TM4SF1: variants seen among roughly 807,000 people sequenced by gnomAD.
The protein encoded by TM4SF1 is transmembrane 4 L six family member 1.
Under a neutral mutation model 24.5 loss-of-function variants are expected in TM4SF1, and 20 were observed. The ratio of observed to expected loss-of-function variants is 0.82; its 90% CI spans 0.57 to 1.19. TM4SF1 has a LOEUF of 1.19. Ranked by LOEUF, TM4SF1 falls within the 50% of genes most tolerant of loss-of-function variation. The probability of loss-of-function intolerance (pLI) is 0.00; values close to 1 mark genes in which losing one functional copy is unlikely to be tolerated. For synonymous variants in TM4SF1, 107 were observed against 95.4 expected (o/e 1.12, Z -0.71); for missense variants, 258 against 248.1 (o/e 1.04, Z -0.27).
In TM4SF1 at chr3:149,369,991, A is replaced by G. The variant is rs1165479143; in HGVS notation, c.595-111T>C. On this transcript the variant is annotated intron_variant, in intron 4 of 4. Coordinates refer to ENST00000305366, the MANE Select transcript of TM4SF1 (RefSeq NM_014220.3). ...ACATAAACAGACTGATCTTAGCTTC[A>G]GCAAAGCTTAGGCCAACCATACTTA... 19 of 1,354,192 alleles carry G rather than the reference A, an allele frequency of 1.4e-5. No homozygotes were observed. In the African/African-American group the frequency reaches 1.8e-4, roughly 13 times the overall value. The allele number at this position is 1,354,192 out of a possible 1,614,324, so 83.9% of individuals were successfully genotyped here.
At chr3:149,375,647 A>T in intron 2 of TM4SF1, 33 bp downstream of exon 2, 1 of 1,614,148 alleles carries the variant, frequency 6.2e-7, no homozygotes, top group African/African-American at 1.3e-5. Context: ...ACATCTTAGG[A>T]GTCATTTTCA....
intron 3 of TM4SF1, among the ~76,000 whole-genome samples, chr3:149,372,878 C>G (rs984385395): frequency 6.6e-6 from 1 of 152,222 alleles, no homozygotes; most frequent in Non-Finnish European, 1.5e-5. Flanking sequence ...GATTATTGAG[C>G]AGTCAGTGTG....
chr3:149,373,344 G>C (rs1731874839), intron 3 of TM4SF1, among the ~76,000 whole-genome samples: 1 of 152,128 alleles, frequency 6.6e-6, no homozygotes, highest in African/African-American at 2.4e-5. Context: ...TTCTACTTCT[G>C]ATAGCTCTCC....
At position 149,377,391 on chromosome 3, in the gene TM4SF1, T is replaced by C. The variant is rs1731983915; in HGVS notation, c.157A>G (p.Ile53Val). The C allele has an allele frequency of 1.2e-6, 2 of 1,614,052 alleles. No homozygotes were observed. The highest frequency in any genetic ancestry group is 1.7e-6 in the Non-Finnish European group (2 of 1,179,960). The stretch of plus-strand genomic sequence containing the variant: ...CTTACCAGCAGGCCACCTCCTACGA[T>C]GCCAGAAAAGAACCACACGAAGCGG... The part of the protein sequence containing the change: ...LSRFVWFFSG[I>V]VGGGLLMLLP... The change falls in exon 1 of 5, where the codon ATC (isoleucine) becomes GTC (valine). Residue 53 changes from isoleucine to valine, a missense_variant. By Grantham distance (29) the Ile-to-Val change is conservative. Transcript: ENST00000305366.
rs367999998 is a variant in TM4SF1 at position 149,374,204 on chromosome 3, G to C, written c.413+1239C>G. On this transcript the variant is annotated intron_variant, in intron 3 of 4. Transcript: ENST00000305366. ...AATTGCCATTGATTTTATTTTACCA[G>C]TGGAGTAACTGAGATGCAGAGAGCT... 1.2e-3 allele frequency among the ~76,000 whole-genome samples: 188 copies of C among 152,238 alleles called. 1 individual carries two copies. The highest frequency in any genetic ancestry group is 3.9e-3 in the South Asian group (19 of 4,826).
intron 3 of TM4SF1, 27 bp from the exon 4 acceptor site, chr3:149,371,894 C>G (rs1458759202): frequency 6.2e-7 from 1 of 1,610,632 alleles, no homozygotes; most frequent in Non-Finnish European, 8.5e-7. Flanking sequence ...AAACTTCTGA[C>G]ACACGGTCAT....
In TM4SF1 at chr3:149,369,655, A is replaced by C. The variant is rs535038630; in HGVS notation, c.*211T>G. 1.5e-5 allele frequency: 9 copies of C among 593,422 alleles called. No individual in the cohort carries two copies. The Admixed American group carries it at 3.0e-4, about 20-fold the overall frequency. The allele number at this position is 593,422 out of a possible 1,614,324, so 36.8% of individuals were successfully genotyped here. A position where few individuals can be genotyped will look rare whatever the true frequency, so the allele number is the denominator to read the frequency against. ...GTGGTTTGTTTCCTCATTCCTTAAA[A>C]AAAAACAAAAACAAATAAACAAACA... On this transcript the variant is annotated 3_prime_UTR_variant, in exon 5 of 5. Transcript: ENST00000305366.
rs1731991894 is a variant in TM4SF1 at position 149,377,552 on chromosome 3, G to A, written c.-5C>T. The stretch of plus-strand genomic sequence containing the variant: ...TGCACACTTCCCATAGCACATGGTG[G>A]TCTGCTAGGTTTTCTCCCCCTTCTC... On this transcript the variant is annotated 5_prime_UTR_variant, in exon 1 of 5. Coordinates refer to ENST00000305366, the MANE Select transcript of TM4SF1 (RefSeq NM_014220.3). 1.9e-6 allele frequency: 3 copies of A among 1,606,818 alleles called. No individual in the cohort carries two copies. The highest frequency in any genetic ancestry group is 2.6e-6 in the Non-Finnish European group (3 of 1,175,932).
intron 3 of TM4SF1, among the ~76,000 whole-genome samples, chr3:149,372,288 G>A (rs960290641): frequency 1.3e-5 from 2 of 152,186 alleles, no homozygotes; most frequent in Non-Finnish European, 2.9e-5. Context: ...TGCTAAAGTA[G>A]AGTATGTGTA....
rs1731777292 is a variant in TM4SF1, at chr3:149,369,830, A to G, written c.*36T>C. 1.2e-6 allele frequency: 2 copies of G among 1,607,662 alleles called. No homozygotes were observed. Among genetic ancestry groups the G allele is most frequent in the Non-Finnish European group, 1.7e-6 (2 of 1,177,942 alleles). On this transcript the variant is annotated 3_prime_UTR_variant, in exon 5 of 5. Coordinates refer to ENST00000305366, the MANE Select transcript of TM4SF1 (RefSeq NM_014220.3). ...TGAAATATATAAATTACAATGAAAT[A>G]GAGGAAGATTGTGGCTCTGTCCTGG...
chr3:149,377,416 G>A lies in TM4SF1; in HGVS notation c.132C>T (p.Ser44=). 1.9e-6 allele frequency: 3 copies of A among 1,614,184 alleles called. No homozygotes were observed. The highest frequency in any genetic ancestry group is 2.2e-5 in the East Asian group (1 of 44,884). The part of the protein sequence containing the change: ...ETKYASENHL[S]RFVWFFSGIV... ...TGCCAGAAAAGAACCACACGAAGCG[G>A]CTGAGGTGGTTTTCGGAGGCATACT... The change falls in exon 1 of 5, where the codon AGC becomes AGT. Residue 44 remains serine, a synonymous_variant. Coordinates refer to ENST00000305366, the MANE Select transcript of TM4SF1 (RefSeq NM_014220.3).
chr3:149,375,682 C>T lies in TM4SF1; in HGVS notation c.265G>A (p.Ala89Thr). Residue 89 changes from alanine (A) to threonine (T), a missense_variant and splice_region_variant, in exon 2 of 5, where the codon GCG (alanine) becomes ACG (threonine). Physicochemically the swap from Ala to Thr is moderately conservative, Grantham distance 58. Coordinates refer to ENST00000305366, the MANE Select transcript of TM4SF1 (RefSeq NM_014220.3). ...CGHENCGKRCAMLSSVLAALI... is the reference protein window; with the variant it reads ...CGHENCGKRCTMLSSVLAALI... ...ACCACCAGGGCAGGAGGACCTACCGCACATCGTTTGCCACAGTTTTCATGG... is the reference window on the plus strand; with the variant it reads ...ACCACCAGGGCAGGAGGACCTACCGTACATCGTTTGCCACAGTTTTCATGG... The T allele has an allele frequency of 6.2e-7, 1 of 1,614,170 alleles. No individual in the cohort carries two copies. The highest frequency in any genetic ancestry group is 2.2e-5 in the East Asian group (1 of 44,882).
At chr3:149,371,592 G>T in intron 4 of TM4SF1, 95 bp downstream of exon 4, 1 of 1,262,702 alleles carries the variant, frequency 7.9e-7, no homozygotes, top group Non-Finnish European at 1.2e-6. Context: ...ATGCTGGTAG[G>T]TCGAGCATGT....
chr3:149,377,252 C>G (rs1731976823), intron 1 of TM4SF1, 119 bp downstream of exon 1: 1 of 1,282,308 alleles, frequency 7.8e-7, no homozygotes, highest in Non-Finnish European at 1.1e-6. Flanking sequence ...AAGGAATGAA[C>G]AGCAACAAAA....
intron 3 of TM4SF1, among the ~76,000 whole-genome samples, chr3:149,373,931 A>C (rs1453942122): frequency 6.6e-6 from 1 of 152,226 alleles, no homozygotes; most frequent in Non-Finnish European, 1.5e-5. Flanking sequence ...ATGTTTGTAC[A>C]TATGTGAATA....
At chr3:149,375,099 G>A (rs1287980418) in intron 3 of TM4SF1, among the ~76,000 whole-genome samples, 1 of 152,094 alleles carries the variant, frequency 6.6e-6, no homozygotes, top group Non-Finnish European at 1.5e-5. Context: ...TCTGTATTTG[G>A]GAAGCTGAGG....
At position 149,369,775 on chromosome 3, in the gene TM4SF1, C is replaced by T. The variant is rs371004621; in HGVS notation, c.*91G>A. ...AGTAGACTGTGGGGAGTATGTTACA[C>T]TAATACAAAGTTTTACAAATGAATA... On this transcript the variant is annotated 3_prime_UTR_variant, in exon 5 of 5. Transcript: ENST00000305366. 36 of 1,543,120 alleles carry T rather than the reference C, an allele frequency of 2.3e-5. No individual in the cohort carries two copies. In the East Asian group the frequency reaches 8.0e-4, roughly 34 times the overall value.
In TM4SF1 at chr3:149,377,640, A is replaced by C; in HGVS notation, c.-93T>G. On this transcript the variant is annotated 5_prime_UTR_variant, in exon 1 of 5. Transcript: ENST00000305366. ...AGTGTGCCCTTCTGGTGGAGAAAGC[A>C]AACACCACTCTCAGCCCATTCCTGC... 1 of 1,522,254 alleles carries C rather than the reference A, an allele frequency of 6.6e-7. No individual in the cohort carries two copies. Among genetic ancestry groups the C allele is most frequent in the South Asian group, 1.3e-5 (1 of 74,870 alleles). 94.3% of individuals were successfully genotyped at this position (1,522,254 alleles called of 1,614,324 possible). A position where few individuals can be genotyped will look rare whatever the true frequency, so the allele number is the denominator to read the frequency against.
chr3:149,375,979 T>A (rs1731942831), intron 1 of TM4SF1, among the ~76,000 whole-genome samples: 1 of 152,196 alleles, frequency 6.6e-6, no homozygotes, highest in Admixed American at 6.5e-5. Flanking sequence ...TGTCAAAGCA[T>A]TTTTTAGGGT....
Sources: allele counts gnomAD v4.1 joint callset (sites outside exome capture counted in the v4.1 genomes callset), GRCh38; gene constraint gnomAD v4.1.1; transcripts MANE v1.5; gene names NCBI Gene and HGNC (gene_info 2026-07-23, HGNC 2026-07-21).